The following ACOX3 variants were observed in gnomAD, a reference collection of about 807,000 sequenced individuals.
ACOX3 encodes the protein peroxisomal acyl-coenzyme A oxidase 3.
In ACOX3, 73 loss-of-function variants were observed where a neutral mutation model predicts 81.5. The observed-to-expected ratio is 0.90, with a 90% CI of 0.74 to 1.09. The LOEUF (loss-of-function observed/expected upper bound fraction) is 1.09. Among genes scored for constraint, ACOX3 ranks in the 50% least tolerant of loss-of-function variants. The probability of loss-of-function intolerance (pLI) is 0.00; values close to 1 mark genes in which losing one functional copy is unlikely to be tolerated. For missense variants in ACOX3, 947 were observed against 928.0 expected, an observed-to-expected ratio of 1.02 and a Z score of -0.27; for synonymous variants, 387 against 375.1, an observed-to-expected ratio of 1.03 and a Z score of -0.37.
At chr4:8,409,381 C>T (rs1029285494) in intron 6 of ACOX3, among the ~76,000 whole-genome samples, 83 of 150,572 alleles carry the variant, frequency 5.5e-4, no homozygotes, top group African/African-American at 1.9e-3. Context: ...GCTGTCTGCA[C>T]CGTGGGAGGG....
chr4:8,428,807 G>A (rs2109036563), intron 1 of ACOX3, among the ~76,000 whole-genome samples: 1 of 152,350 alleles, frequency 6.6e-6, no homozygotes, highest in Non-Finnish European at 1.5e-5. Context: ...CTAGGTGGTG[G>A]CTCATGCCTG....
At position 8,381,169 on chromosome 4, in the gene ACOX3, G is replaced by A. The variant is rs1316713515; in HGVS notation, c.1653+323C>T. 2.0e-5 allele frequency among the ~76,000 whole-genome samples: 3 copies of A among 152,190 alleles called. No individual in the cohort carries two copies. Among genetic ancestry groups the A allele is most frequent in the African/African-American group, 7.2e-5 (3 of 41,436 alleles). Reference sequence around the variant, plus strand: ...CACGAGTCAGGAGGGAGTGCTCTGAGTGCCCGCAATGGTGTCTCCGCCACT... The same window carrying A: ...CACGAGTCAGGAGGGAGTGCTCTGAATGCCCGCAATGGTGTCTCCGCCACT... On this transcript the variant is annotated intron_variant, in intron 14 of 17. Transcript: ENST00000356406. The surrounding 1 kb of genome is among the most constrained non-coding windows in gnomAD (Gnocchi z 4.3).
Position 8,379,380 on chromosome 4 carries a change from C to G in ACOX3, c.1653+2112G>C, listed in dbSNP as rs76852463. ...CGCGACCCGGGGCAGGTCTGGAACA[C>G]GAAGCCCTGCCCTGGCAACTGTTTT... On this transcript the variant is annotated intron_variant, in intron 14 of 17. Transcript: ENST00000356406. Among the ~76,000 whole-genome samples the G allele has an allele frequency of 9.7e-3, 1,484 of 152,296 alleles. 10 individuals carry two copies. The highest frequency in any genetic ancestry group is 0.035 in the South Asian group (169 of 4,826).
chr4:8,415,473 C>T (rs913136583), intron 3 of ACOX3, among the ~76,000 whole-genome samples: 14 of 149,962 alleles, frequency 9.3e-5, no homozygotes, highest in African/African-American at 3.2e-4. Context: ...AAAAAAAGTC[C>T]CAACAGCTCC....
chr4:8,422,970 C>T (rs1723109385), intron 1 of ACOX3, among the ~76,000 whole-genome samples: 1 of 152,168 alleles, frequency 6.6e-6, no homozygotes, highest in African/African-American at 2.4e-5. Context: ...AGTCAGAAGC[C>T]ACTAACCAGA....
At chr4:8,361,207 A>C in the ACOX3 span, among the ~76,000 whole-genome samples, 2 of 151,958 alleles carry the variant, frequency 1.3e-5, no homozygotes, top group African/African-American at 2.4e-5. Flanking sequence ...GCGGATCATG[A>C]AGTCAGGAGA....
At chr4:8,409,550 G>A (rs1352749765) in intron 6 of ACOX3, among the ~76,000 whole-genome samples, 1 of 150,128 alleles carries the variant, frequency 6.7e-6, no homozygotes, top group African/African-American at 2.5e-5. Flanking sequence ...ACTGTGGGGA[G>A]GGCTGTGGGA....
Position 8,366,831 on chromosome 4 carries a change from G to C in ACOX3, c.*130C>G. ...CCTGGGCAGTTGAGGCCAATCAGCA[G>C]TTTAGGCGCACAGGTGCGGGCTCAG... On this transcript the variant is annotated 3_prime_UTR_variant, in exon 18 of 18. Transcript: ENST00000356406. 1.5e-6 allele frequency: 2 copies of C among 1,369,954 alleles called. No homozygotes were observed. The highest frequency in any genetic ancestry group is 1.4e-5 in the South Asian group (1 of 73,178). 84.9% of individuals were successfully genotyped at this position (1,369,954 alleles called of 1,614,324 possible).
rs760895048 is a variant in ACOX3, at chr4:8,394,200, G to A, written c.1179+420C>T. Among the ~76,000 whole-genome samples, 1 of 152,122 alleles carries A rather than the reference G, an allele frequency of 6.6e-6. No individual in the cohort carries two copies. The highest frequency in any genetic ancestry group is 1.5e-5 in the Non-Finnish European group (1 of 68,014). Reference sequence around the variant, plus strand: ...GTCTCTTTATGCCGAGGCTGATCTCGGGATTTGCACGCTCGTTTCTGGCAC... The same window carrying A: ...GTCTCTTTATGCCGAGGCTGATCTCAGGATTTGCACGCTCGTTTCTGGCAC... On this transcript the variant is annotated intron_variant, in intron 10 of 17. Coordinates refer to ENST00000356406, the MANE Select transcript of ACOX3 (RefSeq NM_003501.3). The surrounding 1 kb of genome is among the most constrained non-coding windows in gnomAD (Gnocchi z 5.9).
Position 8,405,856 on chromosome 4 carries a change from G to C in ACOX3, c.776+99C>G. ...ACCGCATTTGAGTCTAAGAGGGCAG[G>C]GCATGGCATCCATGGGGCCAGTGAG... On this transcript the variant is annotated intron_variant, in intron 7 of 17. Transcript: ENST00000356406. This position sits in a 1 kb window ranked among gnomAD's most constrained non-coding sequence, Gnocchi z 7.1. 2 of 1,213,490 alleles carry C rather than the reference G, an allele frequency of 1.6e-6. No individual in the cohort carries two copies. Among genetic ancestry groups the C allele is most frequent in the East Asian group, 2.3e-5 (1 of 42,980 alleles). 75.2% of individuals were successfully genotyped at this position (1,213,490 alleles called of 1,614,324 possible).
intron 1 of ACOX3, among the ~76,000 whole-genome samples, chr4:8,424,494 T>G (rs1723255958): frequency 6.6e-6 from 1 of 152,192 alleles, no homozygotes; most frequent in Non-Finnish European, 1.5e-5. Context: ...GTTGGCCTCA[T>G]TGTTTATGGG....
chr4:8,408,904 TGGGG>T (rs1560193656), intron 6 of ACOX3, among the ~76,000 whole-genome samples: 7 of 30,538 alleles, frequency 2.3e-4, no homozygotes, highest in East Asian at 1.1e-3. Flanking sequence ...GGGGGGGGGG[TGGGG>T]GGGGGGTGGG....
intron 13 of ACOX3, among the ~76,000 whole-genome samples, chr4:8,388,585 C>T (rs1718581020): frequency 6.6e-6 from 1 of 152,256 alleles, no homozygotes; most frequent in Admixed American, 6.5e-5. Flanking sequence ...GCGGAGCCTG[C>T]AGCAGCTCCC....
rs953307627 is a variant in ACOX3 at position 8,382,158 on chromosome 4, C to T, written c.1538-551G>A. Among the ~76,000 whole-genome samples, 2 of 152,212 alleles carry T rather than the reference C, an allele frequency of 1.3e-5. No individual in the cohort carries two copies. Among genetic ancestry groups the T allele is most frequent in the East Asian group, 3.9e-4 (2 of 5,194 alleles). Reference sequence around the variant, plus strand: ...GAGGGGGGAACCTAAGGCCTCACCCCCTGCGTGGCCCCTTCCACAAAGCTC... The same window carrying T: ...GAGGGGGGAACCTAAGGCCTCACCCTCTGCGTGGCCCCTTCCACAAAGCTC... On this transcript the variant is annotated intron_variant, in intron 13 of 17. Coordinates refer to ENST00000356406, the MANE Select transcript of ACOX3 (RefSeq NM_003501.3). This position sits in a 1 kb window ranked among gnomAD's most constrained non-coding sequence, Gnocchi z 4.1.
chr4:8,410,669 A>ACACTGTGGGCGGAGCTGTCTGTG (rs1424641967), intron 5 of ACOX3, among the ~76,000 whole-genome samples: 1 of 151,980 alleles, frequency 6.6e-6, no homozygotes, highest in African/African-American at 2.4e-5. Context: ...CACTGTGGAT[A>ACACTGTGGGCGGAGCTGTCTGTG]CACTGTGGGC....
At chr4:8,412,085 C>T (rs1226153028) in intron 5 of ACOX3, among the ~76,000 whole-genome samples, 1 of 152,262 alleles carries the variant, frequency 6.6e-6, no homozygotes, top group Admixed American at 6.5e-5. Flanking sequence ...GAAAGGGCCC[C>T]ACCTCCTGGC....
chr4:8,382,484 C>T lies in ACOX3; in HGVS notation c.1538-877G>A, dbSNP rs529556287. On this transcript the variant is annotated intron_variant, in intron 13 of 17. Coordinates refer to ENST00000356406, the MANE Select transcript of ACOX3 (RefSeq NM_003501.3). This position sits in a 1 kb window ranked among gnomAD's most constrained non-coding sequence, Gnocchi z 4.1. ...GCAGACCACCCACATGTGGAGGCCA[C>T]GCTCACACCCACCCCCTGCCCAGGC... 2.6e-5 allele frequency among the ~76,000 whole-genome samples: 4 copies of T among 152,292 alleles called. No individual in the cohort carries two copies. The highest frequency in any genetic ancestry group is 4.1e-4 in the South Asian group (2 of 4,832).
intron 5 of ACOX3, among the ~76,000 whole-genome samples, chr4:8,413,252 C>A (rs1195406801): frequency 7.8e-4 from 100 of 127,676 alleles, no homozygotes; most frequent in South Asian, 1.1e-3. Flanking sequence ...TCTCCCTCCA[C>A]CCCGCACCCC....
chr4:8,391,520 G>C (rs1293716770), intron 11 of ACOX3, among the ~76,000 whole-genome samples: 1 of 152,204 alleles, frequency 6.6e-6, no homozygotes, highest in African/African-American at 2.4e-5. Context: ...AATTATTTAA[G>C]ATTAGCACAC....
Sources: allele counts gnomAD v4.1 joint callset (sites outside exome capture counted in the v4.1 genomes callset), GRCh38; gene constraint gnomAD v4.1.1; non-coding constraint Gnocchi (gnomAD v3.1); transcripts MANE v1.5; gene names NCBI Gene and HGNC (gene_info 2026-07-23, HGNC 2026-07-21).